ANKS1B: variants seen among roughly 807,000 people sequenced by gnomAD.
ANKS1B encodes ankyrin repeat and sterile alpha motif domain containing 1B, also known as ankyrin repeat and sterile alpha motif domain-containing protein 1B.
ANKS1B carries 36 observed loss-of-function variants against 148.3 expected under a neutral mutation model. The observed-to-expected ratio is 0.24, with a 90% CI of 0.19 to 0.32. The LOEUF is 0.32. ANKS1B is among the 10% of genes least tolerant of loss of function. The pLI is 1.00. For missense variants in ANKS1B, 1,157 were observed against 1,542.6 expected (o/e 0.75, Z 4.19); for synonymous variants, 542 against 560.8 (o/e 0.97, Z 0.47).
intron 17 of ANKS1B, among the ~76,000 whole-genome samples, chr12:98,842,133 C>A (rs552694151): frequency 4.0e-4 from 61 of 152,270 alleles, no homozygotes; most frequent in African/African-American, 1.5e-3. Flanking sequence ...AATGTTTAAG[C>A]AACATTATTC....
In ANKS1B at chr12:99,844,946, C is replaced by T. The variant is rs144582619; in HGVS notation, c.135-19557G>A. ...TGTAGTTCTTTTTAAAGAGGTCCTTCACTTCCCTTGTTAGCTGTATTCCTA... is the reference window on the plus strand; with the variant it reads ...TGTAGTTCTTTTTAAAGAGGTCCTTTACTTCCCTTGTTAGCTGTATTCCTA... On this transcript the variant is annotated intron_variant, in intron 1 of 26. Coordinates refer to ENST00000683438, the MANE Select transcript of ANKS1B (RefSeq NM_001352186.2). 7.3e-3 allele frequency among the ~76,000 whole-genome samples: 1,111 copies of T among 152,210 alleles called. 12 individuals carry two copies. Among genetic ancestry groups the T allele is most frequent in the African/African-American group, 0.025 (1,047 of 41,516 alleles).
intron 17 of ANKS1B, among the ~76,000 whole-genome samples, chr12:98,950,814 A>G (rs2099852998): frequency 6.6e-6 from 1 of 152,102 alleles, no homozygotes; most frequent in Admixed American, 6.6e-5. Context: ...TGCCCAAGCT[A>G]CGGTGCAGTG....
At chr12:99,159,650 T>C (rs2076439259) in intron 14 of ANKS1B, among the ~76,000 whole-genome samples, 1 of 152,234 alleles carries the variant, frequency 6.6e-6, no homozygotes, top group Admixed American at 6.5e-5. Flanking sequence ...CTCAGGTTGA[T>C]GCCGTGTCTT....
Position 99,428,641 on chromosome 12 carries a change from C to T in ANKS1B, c.1575+15032G>A, listed in dbSNP as rs538356813. Reference sequence around the variant, plus strand: ...ATGTGTATATTTGTGTATACATACCCAGACCCACGTGCATACGTATATGTA... The same window carrying T: ...ATGTGTATATTTGTGTATACATACCTAGACCCACGTGCATACGTATATGTA... On this transcript the variant is annotated intron_variant, in intron 11 of 26. Coordinates refer to ENST00000683438, the MANE Select transcript of ANKS1B (RefSeq NM_001352186.2). Among the ~76,000 whole-genome samples, 20 of 152,162 alleles carry T rather than the reference C, an allele frequency of 1.3e-4. No individual in the cohort carries two copies. In the South Asian group the frequency reaches 3.5e-3, roughly 27 times the overall value.
chr12:99,750,206 T>A (rs944156943), intron 8 of ANKS1B, among the ~76,000 whole-genome samples: 1 of 151,998 alleles, frequency 6.6e-6, no homozygotes, highest in Non-Finnish European at 1.5e-5. Flanking sequence ...GCATCAAAAA[T>A]TATGTGTAAG....
At chr12:98,992,571 C>T (rs536448962) in intron 17 of ANKS1B, among the ~76,000 whole-genome samples, 10 of 152,268 alleles carry the variant, frequency 6.6e-5, no homozygotes, top group African/African-American at 2.2e-4. Context: ...TCGCCTTCTG[C>T]TATGATTGTA....
chr12:99,914,225 T>C (rs773372243), intron 1 of ANKS1B, among the ~76,000 whole-genome samples: 3 of 152,208 alleles, frequency 2.0e-5, no homozygotes, highest in Non-Finnish European at 4.4e-5. Context: ...AGAATGAGAT[T>C]CTGGAATTGC....
intron 17 of ANKS1B, among the ~76,000 whole-genome samples, chr12:98,841,418 G>A (rs1404022377): frequency 6.6e-6 from 1 of 152,086 alleles, no homozygotes; most frequent in Non-Finnish European, 1.5e-5. Context: ...TCTTCTTGAG[G>A]TTTAGCTACT....
At chr12:99,470,564 TCTC>T (rs1488368978) in intron 10 of ANKS1B, among the ~76,000 whole-genome samples, 1 of 152,140 alleles carries the variant, frequency 6.6e-6, no homozygotes, top group African/African-American at 2.4e-5. Flanking sequence ...ATTCCTCAAT[TCTC>T]CTATTATTTT....
At chr12:98,761,707 A>G (rs923339952) in intron 25 of ANKS1B, among the ~76,000 whole-genome samples, 2 of 152,202 alleles carry the variant, frequency 1.3e-5, no homozygotes, top group African/African-American at 4.8e-5. Context: ...TTGTTCACTT[A>G]GATATTTATT....
rs1045963874 is a variant in ANKS1B, at chr12:99,504,981, C to A, written c.1273-340G>T. Among the ~76,000 whole-genome samples, 11 of 152,106 alleles carry A rather than the reference C, an allele frequency of 7.2e-5. No homozygotes were observed. The East Asian group carries it at 1.9e-3, about 27-fold the overall frequency. On this transcript the variant is annotated intron_variant, in intron 9 of 26. Coordinates refer to ENST00000683438, the MANE Select transcript of ANKS1B (RefSeq NM_001352186.2). ...CTCCTTTGCCGGCCTCCTGGAGACA[C>A]CCATATAACTCGGAGACACCCATAT...
chr12:99,336,272 A>C (rs1204943103), intron 12 of ANKS1B, among the ~76,000 whole-genome samples: 1 of 151,982 alleles, frequency 6.6e-6, no homozygotes, highest in East Asian at 1.9e-4. Context: ...CTGGTTATTA[A>C]TCCCTTGTCA....
At chr12:98,843,548 T>C (rs925636330) in intron 17 of ANKS1B, among the ~76,000 whole-genome samples, 5 of 152,248 alleles carry the variant, frequency 3.3e-5, no homozygotes, top group Non-Finnish European at 7.3e-5. Flanking sequence ...GTCTCAGATG[T>C]TCTGTTATAG....
chr12:99,459,825 T>C (rs1420635980), intron 10 of ANKS1B, among the ~76,000 whole-genome samples: 1 of 152,040 alleles, frequency 6.6e-6, no homozygotes, highest in African/African-American at 2.4e-5. Context: ...AAAATGACCA[T>C]ACTGCCAAAA....
chr12:99,158,412 G>A (rs926608590), intron 14 of ANKS1B, among the ~76,000 whole-genome samples: 12 of 152,050 alleles, frequency 7.9e-5, no homozygotes, highest in South Asian at 2.1e-4. Context: ...CTGATTTACC[G>A]TAAGGAAACT....
intron 22 of ANKS1B, chr12:98,794,584 T>C: frequency 1.3e-6 from 1 of 768,480 alleles, no homozygotes; most frequent in Non-Finnish European, 2.3e-6. Context: ...ATTTTGTAAA[T>C]CTAAATGTCA....
intron 10 of ANKS1B, among the ~76,000 whole-genome samples, chr12:99,496,615 G>A (rs1049853013): frequency 1.3e-5 from 2 of 152,138 alleles, no homozygotes; most frequent in Admixed American, 6.5e-5. Flanking sequence ...TTAGTAAAAT[G>A]CTCCTTGGAA....
chr12:99,521,727 TCTCTCG>T (rs1322719670), intron 9 of ANKS1B, among the ~76,000 whole-genome samples: 15 of 144,716 alleles, frequency 1.0e-4, no homozygotes, highest in Non-Finnish European at 1.5e-4. Flanking sequence ...TCTCTCTCAA[TCTCTCG>T]CTCTCTCTCT....
In ANKS1B at chr12:98,872,843, G is replaced by C. The variant is rs556074563; in HGVS notation, c.2779-40707C>G. On this transcript the variant is annotated intron_variant, in intron 17 of 26. Transcript: ENST00000683438. The stretch of plus-strand genomic sequence containing the variant: ...TCTGTTTTAGTCACTGTGGTACTTT[G>C]TTATGGAAGCCCTAGCAAAACTAAT... Among the ~76,000 whole-genome samples, 5 of 152,222 alleles carry C rather than the reference G, an allele frequency of 3.3e-5. No individual in the cohort carries two copies. The South Asian group carries it at 1.0e-3, about 32-fold the overall frequency.
Sources: allele counts gnomAD v4.1 joint callset (sites outside exome capture counted in the v4.1 genomes callset), GRCh38; gene constraint gnomAD v4.1.1; transcripts MANE v1.5; gene names NCBI Gene and HGNC (gene_info 2026-07-23, HGNC 2026-07-21).